The following NLGN1 variants were observed in gnomAD, a reference collection of about 807,000 sequenced individuals.
NLGN1 encodes the protein neuroligin 1, also known as neuroligin-1.
NLGN1 carries 12 observed loss-of-function variants against 65.5 expected under a neutral mutation model. The observed-to-expected ratio is 0.18, with a 90% CI of 0.12 to 0.30. The LOEUF (loss-of-function observed/expected upper bound fraction) is 0.30. NLGN1 is among the 10% of genes least tolerant of loss of function. NLGN1 has a pLI of 1.00. For synonymous variants in NLGN1, 350 were observed against 359.5 expected (o/e 0.97, Z 0.30); for missense variants, 750 against 1,007.1 (o/e 0.74, Z 3.46).
At chr3:174,250,413 T>G (rs894221883) in intron 4 of NLGN1, among the ~76,000 whole-genome samples, 10 of 152,228 alleles carry the variant, frequency 6.6e-5, no homozygotes, top group African/African-American at 2.2e-4. Context: ...GAATTGTATT[T>G]ATTTGATTTC....
At chr3:174,291,753 A>G in the NLGN1 span, among the ~76,000 whole-genome samples, 1 of 151,134 alleles carries the variant, frequency 6.6e-6, no homozygotes, top group Admixed American at 6.6e-5. Context: ...AATTTACCAG[A>G]AAAAGACCTG....
chr3:173,962,129 A>G (rs1713728825), intron 4 of NLGN1, among the ~76,000 whole-genome samples: 1 of 152,152 alleles, frequency 6.6e-6, no homozygotes, highest in South Asian at 2.1e-4. Flanking sequence ...CAAGACAAGG[A>G]GTATACAACA....
intron 1 of NLGN1, chr3:173,399,486 CAT>C (rs1717253281): frequency 4.6e-5 from 7 of 152,076 alleles, no homozygotes. Context: ...TTAGTAATAA[CAT>C]ATTTTCAAAT....
At chr3:174,230,241 T>A (rs1377237448) in intron 4 of NLGN1, among the ~76,000 whole-genome samples, 1 of 152,140 alleles carries the variant, frequency 6.6e-6, no homozygotes, top group African/African-American at 2.4e-5. Flanking sequence ...GACTCAGAAG[T>A]GAGATGAATA....
chr3:174,284,709 C>T (rs1183640716), exon 7 of NLGN1: 4 of 151,170 alleles, frequency 2.6e-5, no homozygotes, highest in Non-Finnish European at 5.9e-5. Context: ...AATTGGCTAC[C>T]ACAGATATAT....
intron 4 of NLGN1, among the ~76,000 whole-genome samples, chr3:174,213,985 TATGTGAC>T (rs1737151140): frequency 6.6e-6 from 1 of 152,152 alleles, no homozygotes; most frequent in Admixed American, 6.5e-5. Context: ...CATAACAATA[TATGTGAC>T]ATGCTTTTTT....
intron 4 of NLGN1, among the ~76,000 whole-genome samples, chr3:173,858,214 T>C (rs1337281101): frequency 6.6e-6 from 1 of 152,110 alleles, no homozygotes; most frequent in African/African-American, 2.4e-5. Context: ...TTCTTCCATT[T>C]TGAATTCTCA....
intron 2 of NLGN1, among the ~76,000 whole-genome samples, chr3:173,592,238 A>G (rs1748622613): frequency 6.6e-6 from 1 of 152,354 alleles, no homozygotes; most frequent in South Asian, 2.1e-4. Flanking sequence ...TAAAACTTAT[A>G]TAGTTAATGT....
chr3:173,467,934 A>G (rs1724648649), intron 2 of NLGN1, among the ~76,000 whole-genome samples: 1 of 152,060 alleles, frequency 6.6e-6, no homozygotes, highest in Non-Finnish European at 1.5e-5. Context: ...AATTTGAGTA[A>G]ATTTTTGTTT....
downstream of NLGN1, among the ~76,000 whole-genome samples, chr3:174,287,013 C>A (rs1237694441): frequency 6.6e-6 from 1 of 151,414 alleles, no homozygotes; most frequent in Non-Finnish European, 1.5e-5. Context: ...AGATGTGTGA[C>A]AGTTTTTTAA....
At chr3:173,873,632 C>T (rs1731595007) in intron 4 of NLGN1, among the ~76,000 whole-genome samples, 1 of 152,062 alleles carries the variant, frequency 6.6e-6, no homozygotes, top group Admixed American at 6.6e-5. Flanking sequence ...ATGGTTTATG[C>T]ATTTTGCATA....
intron 4 of NLGN1, among the ~76,000 whole-genome samples, chr3:174,230,572 A>C (rs1037456081): frequency 6.6e-6 from 1 of 152,234 alleles, no homozygotes; most frequent in African/African-American, 2.4e-5. Context: ...ATTTATGCAC[A>C]AAAGTATTCA....
intron 4 of NLGN1, among the ~76,000 whole-genome samples, chr3:174,043,707 G>A (rs182908822): frequency 2.0e-5 from 3 of 152,332 alleles, no homozygotes; most frequent in Admixed American, 6.5e-5. Flanking sequence ...TCACAGGTTG[G>A]TGTTGAGTGT....
intron 3 of NLGN1, among the ~76,000 whole-genome samples, chr3:173,661,109 G>A (rs1577805743): frequency 6.6e-6 from 1 of 151,912 alleles, no homozygotes; most frequent in East Asian, 1.9e-4. Flanking sequence ...GTGTGTTAGC[G>A]GCAGAGATGG....
chr3:174,111,393 T>C (rs969443274), intron 4 of NLGN1, among the ~76,000 whole-genome samples: 4 of 151,956 alleles, frequency 2.6e-5, no homozygotes, highest in African/African-American at 4.8e-5. Context: ...GCCAGAACTT[T>C]GGATTTTTAT....
chr3:173,853,160 G>A (rs1316939152), intron 4 of NLGN1, among the ~76,000 whole-genome samples: 2 of 152,140 alleles, frequency 1.3e-5, no homozygotes, highest in Non-Finnish European at 2.9e-5. Flanking sequence ...CAGGTTTTAG[G>A]TGTATCTTGT....
rs367687544 is a variant in NLGN1 at position 173,891,683 on chromosome 3, G to C, written c.646+83851G>C. On this transcript the variant is annotated intron_variant, in intron 4 of 6. Transcript: ENST00000457714. ...CAACTCTAAAACTTACCAAGGCAGT[G>C]GATATGAGCGGCCACTGCTGAGGGA... Among the ~76,000 whole-genome samples, 7 of 152,270 alleles carry C rather than the reference G, an allele frequency of 4.6e-5. 1 individual carries two copies. In the East Asian group the frequency reaches 9.6e-4, roughly 21 times the overall value.
At chr3:173,644,383 C>A (rs1028558210) in intron 3 of NLGN1, 3 of 155,478 alleles carry the variant, frequency 1.9e-5, no homozygotes, top group Non-Finnish European at 1.5e-5. Context: ...ATTTATGACA[C>A]CTCCATCCTT....
chr3:173,805,062 G>A (rs1716354667), intron 3 of NLGN1, among the ~76,000 whole-genome samples: 1 of 151,948 alleles, frequency 6.6e-6, no homozygotes, highest in African/African-American at 2.4e-5. Context: ...AGCCTAAGGT[G>A]GACCACTCTG....
Sources: allele counts gnomAD v4.1 joint callset (sites outside exome capture counted in the v4.1 genomes callset), GRCh38; gene constraint gnomAD v4.1.1; transcripts MANE v1.5; gene names NCBI Gene and HGNC (gene_info 2026-07-23, HGNC 2026-07-21).